The following BANK1 variants were observed in gnomAD, a reference collection of about 807,000 sequenced individuals.
BANK1 encodes B cell scaffold protein with ankyrin repeats 1.
In BANK1, 95 loss-of-function variants were observed where a neutral mutation model predicts 94.5. The observed-to-expected ratio is 1.00, with a 90% CI of 0.85 to 1.19. The LOEUF is 1.19. Among genes scored for constraint, BANK1 ranks in the 50% most tolerant of loss-of-function variants. The probability of loss-of-function intolerance (pLI) is 0.00; values close to 1 mark genes in which losing one functional copy is unlikely to be tolerated. For synonymous variants in BANK1, 334 were observed against 308.4 expected (o/e 1.08, Z -0.87); for missense variants, 987 against 932.2 (o/e 1.06, Z -0.77).
chr4:101,905,108 T>C (rs187061980), intron 6 of BANK1, among the ~76,000 whole-genome samples: 1 of 152,366 alleles, frequency 6.6e-6, no homozygotes, highest in East Asian at 1.9e-4. Flanking sequence ...CTGGCTCTGC[T>C]TTCCAGGGAA....
chr4:101,900,482 G>A (rs1348367399), intron 6 of BANK1, among the ~76,000 whole-genome samples: 1 of 152,172 alleles, frequency 6.6e-6, no homozygotes, highest in Non-Finnish European at 1.5e-5. Context: ...ACACCAGATG[G>A]GAGGCTGTCT....
rs1056971588 is a variant in BANK1 at position 101,804,503 on chromosome 4, G to A, written c.70+13553G>A. ...ATGGGAAGTACCACTAGTGATGCTG[G>A]TAGTACTCCCAAGAAGAAGAGAAAA... On this transcript the variant is annotated intron_variant, in intron 1 of 16. Coordinates refer to ENST00000322953, the MANE Select transcript of BANK1 (RefSeq NM_017935.5). 7.6e-4 allele frequency among the ~76,000 whole-genome samples: 116 copies of A among 152,224 alleles called. 1 individual carries two copies. Among genetic ancestry groups the A allele is most frequent in the Admixed American group, 7.5e-3 (114 of 15,288 alleles).
chr4:101,930,104 A>G (rs1723292249), intron 7 of BANK1, among the ~76,000 whole-genome samples: 1 of 151,288 alleles, frequency 6.6e-6, no homozygotes, highest in African/African-American at 2.4e-5. Context: ...TTATAGTTCC[A>G]TAGTAATTAT....
intron 5 of BANK1, 66 bp from the exon 6 acceptor site, chr4:101,895,239 G>A (rs1722020816): frequency 3.5e-6 from 3 of 850,670 alleles, no homozygotes; most frequent in Non-Finnish European, 5.5e-6. Flanking sequence ...TTGTTAAATT[G>A]CACTAAAATG....
At chr4:101,890,117 G>A (rs1015520079) in intron 5 of BANK1, among the ~76,000 whole-genome samples, 1 of 152,096 alleles carries the variant, frequency 6.6e-6, no homozygotes, top group Non-Finnish European at 1.5e-5. Flanking sequence ...TCAAACCCTT[G>A]GAAAGAATGT....
At chr4:102,040,038 T>C (rs1037676307) in intron 10 of BANK1, among the ~76,000 whole-genome samples, 2 of 152,060 alleles carry the variant, frequency 1.3e-5, no homozygotes, top group East Asian at 3.8e-4. Context: ...ACTTATGAAA[T>C]AATTCAAAAT....
At chr4:101,807,386 G>A (rs1578328058) in intron 1 of BANK1, among the ~76,000 whole-genome samples, 1 of 152,238 alleles carries the variant, frequency 6.6e-6, no homozygotes, top group East Asian at 1.9e-4. Context: ...GCTAAGGACA[G>A]GCTCTGGGCA....
At chr4:101,942,027 T>A (rs1723766979) in intron 7 of BANK1, among the ~76,000 whole-genome samples, 1 of 151,616 alleles carries the variant, frequency 6.6e-6, no homozygotes, top group South Asian at 2.1e-4. Flanking sequence ...TGGAAGAGAG[T>A]AAGAACAATA....
chr4:102,010,391 C>CTTTT (rs1209533993), intron 7 of BANK1, among the ~76,000 whole-genome samples: 1 of 130,470 alleles, frequency 7.7e-6, no homozygotes, highest in African/African-American at 2.8e-5. Flanking sequence ...TGATTAATTT[C>CTTTT]TTTTTTTTTT....
intron 1 of BANK1, among the ~76,000 whole-genome samples, chr4:101,808,509 T>G (rs1725635466): frequency 6.6e-6 from 1 of 152,164 alleles, no homozygotes; most frequent in African/African-American, 2.4e-5. Context: ...TGATCACCAT[T>G]AGGTTATTTA....
chr4:101,794,697 G>GT (rs1489278163), intron 1 of BANK1, among the ~76,000 whole-genome samples: 1 of 152,070 alleles, frequency 6.6e-6, no homozygotes, highest in Non-Finnish European at 1.5e-5. Flanking sequence ...GCAGTAATTA[G>GT]TTTTTAGTCA....
At chr4:101,913,617 A>C (rs1365201808) in intron 6 of BANK1, among the ~76,000 whole-genome samples, 1 of 152,106 alleles carries the variant, frequency 6.6e-6, no homozygotes, top group Non-Finnish European at 1.5e-5. Flanking sequence ...AAGGCACTTC[A>C]TAGTGTGTCC....
At chr4:101,799,320 T>C (rs1217698495) in intron 1 of BANK1, among the ~76,000 whole-genome samples, 2 of 152,178 alleles carry the variant, frequency 1.3e-5, no homozygotes, top group Non-Finnish European at 2.9e-5. Flanking sequence ...CATTGGTCTA[T>C]ATCTCTGTTT....
rs1012930371 is a variant in BANK1 at position 101,852,284 on chromosome 4, C to T, written c.470-2751C>T. Among the ~76,000 whole-genome samples the T allele has an allele frequency of 2.0e-5, 3 of 151,202 alleles. No individual in the cohort carries two copies. In the East Asian group the frequency reaches 5.8e-4, roughly 29 times the overall value. On this transcript the variant is annotated intron_variant, in intron 2 of 16. Transcript: ENST00000322953. ...GTCTGCAATCTTCATCATTTCATTC[C>T]TCTACTTGAATTAAATATACATACA...
In BANK1 at chr4:102,025,408, A is replaced by G; in HGVS notation, c.1493A>G (p.Asn498Ser). 1 of 1,614,082 alleles carries G rather than the reference A, an allele frequency of 6.2e-7. No homozygotes were observed. The highest frequency in any genetic ancestry group is 8.5e-7 in the Non-Finnish European group (1 of 1,180,010). ...YVFIPGADPE[N>S]NSQEPLMSSR... The stretch of plus-strand genomic sequence containing the variant: ...TTCATTCCTGGTGCTGATCCAGAAA[A>G]TAATTCACAAGAGCCACTCATGAGC... The change falls in exon 9 of 17, where the codon AAT becomes AGT. Residue 498 changes from asparagine (N) to serine (S), a missense_variant. Asn to Ser is a conservative substitution (Grantham distance 46). Transcript: ENST00000322953.
intron 7 of BANK1, among the ~76,000 whole-genome samples, chr4:101,932,051 G>C (rs1288027966): frequency 6.6e-6 from 1 of 151,520 alleles, no homozygotes; most frequent in East Asian, 2.0e-4. Context: ...TTCCTAGGAA[G>C]TATTTTAAGA....
rs894879219 is a variant in BANK1 at position 102,060,361 on chromosome 4, G to A, written c.2120G>A (p.Gly707Glu). 12 of 1,608,686 alleles carry A rather than the reference G, an allele frequency of 7.5e-6. No homozygotes were observed. The African/African-American group carries it at 1.6e-4, about 22-fold the overall frequency. The change falls in exon 12 of 17, where the codon GGA becomes GAA. Residue 707 changes from glycine to glutamate, a missense_variant. Transcript: ENST00000322953. Reference protein sequence around the residue: ...ALEKFKHWQMGKSGLEMIQQE... With the variant: ...ALEKFKHWQMEKSGLEMIQQE... ...GAGAAATTTAAACACTGGCAGATGG[G>A]AAAAAGTGGCCTGGAAATGATTCAG... is the stretch of plus-strand genomic sequence containing the variant.
intron 7 of BANK1, among the ~76,000 whole-genome samples, chr4:101,924,086 A>G (rs1723082073): frequency 6.6e-6 from 1 of 151,846 alleles, no homozygotes; most frequent in African/African-American, 2.4e-5. Flanking sequence ...TGCAACGTGT[A>G]TGATATAACT....
chr4:101,819,012 C>T (rs994120233), intron 1 of BANK1, among the ~76,000 whole-genome samples: 13 of 151,688 alleles, frequency 8.6e-5, no homozygotes, highest in African/African-American at 2.9e-4. Flanking sequence ...TATCACCAAA[C>T]ATTTCTGGCA....
Sources: gnomAD v4.1 joint callset for allele counts (sites outside exome capture counted in the v4.1 genomes callset) on GRCh38, gnomAD v4.1.1 for gene constraint, MANE v1.5 for transcripts, NCBI Gene and HGNC (gene_info 2026-07-23, HGNC 2026-07-21) for gene names.